SYNDIG1: variants seen among roughly 807,000 people sequenced by gnomAD.
SYNDIG1 encodes the protein synapse differentiation inducing 1, also known as synapse differentiation-inducing gene protein 1.
A neutral mutation model predicts 19.4 loss-of-function variants in SYNDIG1; 9 were observed. That is an observed-to-expected ratio of 0.46 (90% confidence interval 0.28 to 0.81). The LOEUF (loss-of-function observed/expected upper bound fraction) is 0.81. Among genes scored for constraint, SYNDIG1 ranks in the 30% least tolerant of loss-of-function variants. The pLI is 0.12. For missense variants in SYNDIG1, 311 were observed against 343.3 expected (o/e 0.91, Z 0.74); for synonymous variants, 141 against 145.9 (o/e 0.97, Z 0.24).
rs544408552 is a variant in SYNDIG1 at position 24,515,148 on chromosome 20, C to A, written c.-78-27872C>A. Among the ~76,000 whole-genome samples, 27 of 152,282 alleles carry A rather than the reference C, an allele frequency of 1.8e-4. No homozygotes were observed. In the South Asian group the frequency reaches 5.2e-3, roughly 29 times the overall value. On this transcript the variant is annotated intron_variant, in intron 1 of 3. Coordinates refer to ENST00000376862, the MANE Select transcript of SYNDIG1 (RefSeq NM_024893.3). ...ACAGTGTGTAGAGGGAAATTTATAG[C>A]ACTAAATGCCCACAAGAGAAAGCAG...
At chr20:24,544,727 G>A (rs2057540198) in intron 2 of SYNDIG1, among the ~76,000 whole-genome samples, 1 of 152,158 alleles carries the variant, frequency 6.6e-6, no homozygotes, top group African/African-American at 2.4e-5. Context: ...GGTTCGTGTT[G>A]GCTGAGCATC....
chr20:24,647,568 A>G (rs930256729), intron 3 of SYNDIG1, among the ~76,000 whole-genome samples: 11 of 151,950 alleles, frequency 7.2e-5, no homozygotes, highest in Admixed American at 7.2e-4. Flanking sequence ...GCACTTGTCA[A>G]TTTCGTGTGG....
intron 3 of SYNDIG1, among the ~76,000 whole-genome samples, chr20:24,606,603 T>C (rs1669906215): frequency 6.6e-6 from 1 of 152,148 alleles, no homozygotes; most frequent in South Asian, 2.1e-4. Flanking sequence ...GGATGCTACT[T>C]TGAATAGATT....
chr20:24,547,263 C>G (rs1465066916), intron 2 of SYNDIG1, among the ~76,000 whole-genome samples: 1 of 152,244 alleles, frequency 6.6e-6, no homozygotes, highest in Admixed American at 6.5e-5. Context: ...AGGTGCATCC[C>G]TGGCATTTAT....
chr20:24,618,668 C>T (rs1415807346), intron 3 of SYNDIG1, among the ~76,000 whole-genome samples: 1 of 152,214 alleles, frequency 6.6e-6, no homozygotes, highest in Non-Finnish European at 1.5e-5. Flanking sequence ...TTCCTTCCCA[C>T]TGTGCATAAT....
intron 2 of SYNDIG1, among the ~76,000 whole-genome samples, chr20:24,580,012 C>T (rs2058295783): frequency 6.6e-6 from 1 of 152,238 alleles, no homozygotes; most frequent in Non-Finnish European, 1.5e-5. Context: ...CTAGAACAGG[C>T]AGGCGATGCA....
intron 1 of SYNDIG1, among the ~76,000 whole-genome samples, chr20:24,512,436 C>A (rs1002265724): frequency 6.6e-6 from 1 of 151,862 alleles, no homozygotes; most frequent in Admixed American, 6.6e-5. Flanking sequence ...AGGTCCCTCC[C>A]ACCCTAATAC....
intron 3 of SYNDIG1, among the ~76,000 whole-genome samples, chr20:24,644,529 G>T (rs2059406377): frequency 6.6e-6 from 1 of 152,200 alleles, no homozygotes; most frequent in African/African-American, 2.4e-5. Flanking sequence ...AGGCCTTGTT[G>T]CTTCTGCCTC....
At chr20:24,655,652 C>T (rs1056778346) in intron 3 of SYNDIG1, among the ~76,000 whole-genome samples, 2 of 151,856 alleles carry the variant, frequency 1.3e-5, no homozygotes, top group Non-Finnish European at 2.9e-5. Context: ...TGTATTTTAC[C>T]AAACACTGTG....
At chr20:24,625,840 G>A (rs1047834269) in intron 3 of SYNDIG1, among the ~76,000 whole-genome samples, 9 of 152,172 alleles carry the variant, frequency 5.9e-5, no homozygotes, top group Admixed American at 1.3e-4. Context: ...CCACAAAACC[G>A]CCATTGTCAT....
chr20:24,541,566 T>G (rs1249742085), intron 1 of SYNDIG1, among the ~76,000 whole-genome samples: 1 of 152,150 alleles, frequency 6.6e-6, no homozygotes, highest in Non-Finnish European at 1.5e-5. Flanking sequence ...TAAGGCGGCT[T>G]CCTCTGCCAA....
At chr20:24,596,394 T>C (rs1399891098) in intron 3 of SYNDIG1, among the ~76,000 whole-genome samples, 1 of 152,156 alleles carries the variant, frequency 6.6e-6, no homozygotes, top group African/African-American at 2.4e-5. Flanking sequence ...TTTTTTTTCT[T>C]TTGAGATGGA....
chr20:24,560,287 A>C (rs1600628583), intron 2 of SYNDIG1, among the ~76,000 whole-genome samples: 1 of 146,422 alleles, frequency 6.8e-6, no homozygotes, highest in South Asian at 2.2e-4. Flanking sequence ...GCCAGGCTGG[A>C]CTCTCCTCTC....
intron 1 of SYNDIG1, among the ~76,000 whole-genome samples, chr20:24,513,134 A>G (rs1367651084): frequency 2.0e-5 from 3 of 152,244 alleles, no homozygotes; most frequent in South Asian, 4.1e-4. Flanking sequence ...GTATATCACC[A>G]TCATCAAAGA....
intron 3 of SYNDIG1, among the ~76,000 whole-genome samples, chr20:24,627,106 TG>T (rs1298098138): frequency 1.2e-5 from 1 of 82,638 alleles, no homozygotes; most frequent in Non-Finnish European, 2.6e-5. Context: ...AGGGGGACCG[TG>T]GGGAGAGGGG....
chr20:24,661,487 A>AAGGGGAG (rs565674556), intron 3 of SYNDIG1, among the ~76,000 whole-genome samples: 2 of 13,472 alleles, frequency 1.5e-4, no homozygotes, highest in Admixed American at 1.4e-3. Context: ...AGAGGGAGGA[A>AAGGGGAG]GAAGGGAGGG....
chr20:24,649,521 C>T (rs1240913136), intron 3 of SYNDIG1, among the ~76,000 whole-genome samples: 1 of 152,146 alleles, frequency 6.6e-6, no homozygotes, highest in Non-Finnish European at 1.5e-5. Context: ...CTTGAGGTCT[C>T]GATTGCTCAC....
At chr20:24,507,492 G>A (rs1319002244) in intron 1 of SYNDIG1, among the ~76,000 whole-genome samples, 3 of 152,198 alleles carry the variant, frequency 2.0e-5, no homozygotes, top group Admixed American at 2.0e-4. Flanking sequence ...TCCTTTGTTG[G>A]AAGCTCTGTT....
chr20:24,471,584 T>C (rs1409629471), intron 1 of SYNDIG1, among the ~76,000 whole-genome samples: 1 of 118,450 alleles, frequency 8.4e-6, no homozygotes, highest in Admixed American at 9.9e-5. Flanking sequence ...GGAATCCTCA[T>C]AATCAAGAGG....
Sources: gnomAD v4.1 joint callset for allele counts (sites outside exome capture counted in the v4.1 genomes callset) on GRCh38, gnomAD v4.1.1 for gene constraint, MANE v1.5 for transcripts, NCBI Gene and HGNC (gene_info 2026-07-23, HGNC 2026-07-21) for gene names.